The following PABPC4L variants were observed in gnomAD, a reference collection of about 807,000 sequenced individuals.
PABPC4L encodes the protein poly(A) binding protein cytoplasmic 4 like, also known as polyadenylate-binding protein 4-like.
For missense variants in PABPC4L, 452 were observed against 451.4 expected, an observed-to-expected ratio of 1.00 and a Z score of -0.01; for synonymous variants, 169 against 164.1, an observed-to-expected ratio of 1.03 and a Z score of -0.23.
chr4:133,977,330 T>C, the PABPC4L span, among the ~76,000 whole-genome samples: 4 of 152,182 alleles, frequency 2.6e-5, no homozygotes, highest in Non-Finnish European at 4.4e-5. Context: ...GTAGTATAGT[T>C]TGAAGTCAGG....
the PABPC4L span, among the ~76,000 whole-genome samples, chr4:134,138,999 T>C: frequency 6.6e-6 from 1 of 151,874 alleles, no homozygotes; most frequent in Admixed American, 6.6e-5. Context: ...AAACTATATG[T>C]CAAGCCTATT....
chr4:134,182,608 A>C, the PABPC4L span, among the ~76,000 whole-genome samples: 1 of 152,188 alleles, frequency 6.6e-6, no homozygotes, highest in East Asian at 1.9e-4. Flanking sequence ...AATGGGATGT[A>C]ATTAAACTAA....
chr4:134,024,697 C>T, the PABPC4L span, among the ~76,000 whole-genome samples: 2 of 151,806 alleles, frequency 1.3e-5, no homozygotes, highest in East Asian at 2.0e-4. Flanking sequence ...CACTTCATAA[C>T]ACGATTTACA....
the PABPC4L span, among the ~76,000 whole-genome samples, chr4:134,038,986 T>G: frequency 6.6e-6 from 1 of 152,172 alleles, no homozygotes; most frequent in Non-Finnish European, 1.5e-5. Flanking sequence ...CTCTACATAT[T>G]GCTTTAAATG....
the PABPC4L span, among the ~76,000 whole-genome samples, chr4:133,962,126 G>C: frequency 6.6e-6 from 1 of 152,254 alleles, no homozygotes; most frequent in African/African-American, 2.4e-5. Flanking sequence ...AAAAGAATCT[G>C]AACAACAGCC....
At position 134,198,355 on chromosome 4, in the gene PABPC4L, A is replaced by AT. The variant is rs1729731195; in HGVS notation, c.*1551dup. 1.3e-5 allele frequency: 2 copies of AT among 151,674 alleles called. No individual in the cohort carries two copies. Among genetic ancestry groups the AT allele is most frequent in the Admixed American group, 6.6e-5 (1 of 15,246 alleles). 9.4% of individuals were successfully genotyped at this position (151,674 alleles called of 1,614,324 possible). ...TCTTTTAATTTTTTCATTGTCCATA[A>AT]TTTTTTATGGACTAAAAGATTTTCA... On this transcript the variant is annotated 3_prime_UTR_variant, in exon 2 of 2. Coordinates refer to ENST00000421491, the MANE Select transcript of PABPC4L (RefSeq NM_001114734.2).
At chr4:134,063,568 C>T in the PABPC4L span, among the ~76,000 whole-genome samples, 3 of 151,850 alleles carry the variant, frequency 2.0e-5, no homozygotes, top group Non-Finnish European at 2.9e-5. Context: ...TAAACACTTG[C>T]CAATATTGAC....
At chr4:134,111,778 C>T in the PABPC4L span, among the ~76,000 whole-genome samples, 12 of 151,908 alleles carry the variant, frequency 7.9e-5, 1 homozygote, top group African/African-American at 2.9e-4. Context: ...TTTTCACCTT[C>T]CACCACGATT....
the PABPC4L span, among the ~76,000 whole-genome samples, chr4:134,159,519 A>G: frequency 1.3e-5 from 2 of 152,080 alleles, no homozygotes; most frequent in Non-Finnish European, 2.9e-5. Flanking sequence ...GGGACTTTGC[A>G]TTAAAGCTCA....
the PABPC4L span, among the ~76,000 whole-genome samples, chr4:133,967,965 T>G: frequency 6.6e-6 from 1 of 152,322 alleles, no homozygotes; most frequent in South Asian, 2.1e-4. Flanking sequence ...TGGCTGAGTT[T>G]AATATAAAGT....
the PABPC4L span, among the ~76,000 whole-genome samples, chr4:133,977,289 A>G: frequency 4.6e-5 from 7 of 152,062 alleles, no homozygotes; most frequent in Admixed American, 4.6e-4. Flanking sequence ...TTTTTGTACT[A>G]GTAGCATGCT....
the PABPC4L span, among the ~76,000 whole-genome samples, chr4:134,135,126 A>T: frequency 4.7e-4 from 72 of 152,280 alleles, no homozygotes; most frequent in African/African-American, 1.7e-3. Flanking sequence ...CATTGATAAG[A>T]CACGCTAATT....
At chr4:134,107,486 C>A in the PABPC4L span, among the ~76,000 whole-genome samples, 3 of 151,536 alleles carry the variant, frequency 2.0e-5, no homozygotes, top group African/African-American at 7.2e-5. Context: ...CAGGTAAAAA[C>A]CAATGTACTG....
the PABPC4L span, among the ~76,000 whole-genome samples, chr4:133,968,557 T>A: frequency 6.6e-6 from 1 of 152,114 alleles, no homozygotes; most frequent in African/African-American, 2.4e-5. Flanking sequence ...AAAGATTTGA[T>A]CTTTGAAGGG....
the PABPC4L span, among the ~76,000 whole-genome samples, chr4:133,954,490 C>A: frequency 1.3e-5 from 2 of 151,994 alleles, no homozygotes; most frequent in Admixed American, 1.3e-4. Flanking sequence ...GGTAAAACAG[C>A]AAAACTTTAT....
At chr4:133,977,099 A>G in the PABPC4L span, among the ~76,000 whole-genome samples, 2 of 152,260 alleles carry the variant, frequency 1.3e-5, no homozygotes, top group East Asian at 3.9e-4. Flanking sequence ...TATAAGGTAT[A>G]AGAAAGTGGT....
At chr4:134,094,092 G>A in the PABPC4L span, among the ~76,000 whole-genome samples, 1 of 151,856 alleles carries the variant, frequency 6.6e-6, no homozygotes, top group Non-Finnish European at 1.5e-5. Flanking sequence ...AAGTTCACTA[G>A]TAGTTTTAAT....
chr4:134,181,792 T>A, the PABPC4L span, among the ~76,000 whole-genome samples: 5 of 151,186 alleles, frequency 3.3e-5, no homozygotes, highest in East Asian at 9.7e-4. Flanking sequence ...AAGAATAAAA[T>A]ACCTAGGAAT....
the PABPC4L span, among the ~76,000 whole-genome samples, chr4:134,189,356 T>G: frequency 1.3e-5 from 2 of 151,672 alleles, no homozygotes; most frequent in Non-Finnish European, 3.0e-5. Flanking sequence ...CACAGCTTTG[T>G]TGACAAGCAG....
Sources: gnomAD v4.1 joint callset for allele counts (sites outside exome capture counted in the v4.1 genomes callset) on GRCh38, gnomAD v4.1.1 for gene constraint, MANE v1.5 for transcripts, NCBI Gene and HGNC (gene_info 2026-07-23, HGNC 2026-07-21) for gene names.